The following PLXNA1 variants were observed in gnomAD, a reference collection of about 807,000 sequenced individuals.
PLXNA1 encodes the protein plexin A1.
A neutral mutation model predicts 191.7 loss-of-function variants in PLXNA1; 77 were observed. The ratio of observed to expected loss-of-function variants is 0.40; its 90% CI spans 0.33 to 0.49. The LOEUF (loss-of-function observed/expected upper bound fraction) is 0.49. Ranked by LOEUF, PLXNA1 falls within the 20% of genes least tolerant of loss-of-function variation. The pLI is 0.63. For missense variants in PLXNA1, 2,110 were observed against 2,660.2 expected (o/e 0.79, Z 4.55); for synonymous variants, 1,137 against 1,156.4 (o/e 0.98, Z 0.34).
Position 127,006,074 on chromosome 3 carries a change from T to A in PLXNA1, c.1898-5T>A, listed in dbSNP as rs1231102779. On this transcript the variant is annotated splice_polypyrimidine_tract_variant and splice_region_variant and intron_variant, in intron 7 of 31. Transcript: ENST00000393409. ...CCTGGTGACTCAGCCATGCTGCTCG[T>A]GCAGGAGACCAGCGGGTGGTGAAAC... The A allele has an allele frequency of 1.2e-6, 2 of 1,611,042 alleles. No individual in the cohort carries two copies. Among genetic ancestry groups the A allele is most frequent in the Non-Finnish European group, 1.7e-6 (2 of 1,177,598 alleles).
rs1369838455 is a variant in PLXNA1, at chr3:127,035,369, TG to T, written c.*1354del. On this transcript the variant is annotated 3_prime_UTR_variant, in exon 32 of 32. Coordinates refer to ENST00000393409, the MANE Select transcript of PLXNA1 (RefSeq NM_032242.4). ...GTGGGAAAGCAATGCCAAATGGTTG[TG>T]GAGAAAGTGGCCGGAGCCTCCCTGG... The T allele has an allele frequency of 6.6e-6, 1 of 152,162 alleles. No homozygotes were observed. Among genetic ancestry groups the T allele is most frequent in the Non-Finnish European group, 1.5e-5 (1 of 68,016 alleles). 9.4% of individuals were successfully genotyped at this position (152,162 alleles called of 1,614,324 possible). A position where few individuals can be genotyped will look rare whatever the true frequency, so the allele number is the denominator to read the frequency against.
chr3:127,028,175 C>T lies in PLXNA1; in HGVS notation c.4510-6C>T. On this transcript the variant is annotated splice_region_variant and splice_polypyrimidine_tract_variant and intron_variant, in intron 24 of 31. Transcript: ENST00000393409. ...ACGCTGCCCCCTTGCTCCACCCCGC[C>T]CGCAGACCCTGAACTGTGTGAACCC... is the stretch of plus-strand genomic sequence containing the variant. 2 of 1,613,276 alleles carry T rather than the reference C, an allele frequency of 1.2e-6. No homozygotes were observed. Among genetic ancestry groups the T allele is most frequent in the East Asian group, 4.5e-5 (2 of 44,870 alleles).
intron 1 of PLXNA1, among the ~76,000 whole-genome samples, 151 bp downstream of exon 1, chr3:126,983,438 G>C (rs1339668613): frequency 6.9e-6 from 1 of 145,692 alleles, no homozygotes; most frequent in African/African-American, 2.5e-5. Flanking sequence ...GTGTGCGCGG[G>C]GACTGCGGCG....
chr3:127,027,872 G>A (rs770463061), intron 23 of PLXNA1, 68 bp from the exon 24 acceptor site: 143 of 1,601,074 alleles, frequency 8.9e-5, no homozygotes, highest in Admixed American at 3.2e-4. Context: ...GGCACTCGAC[G>A]GGTGGAGGGG....
At chr3:127,029,731 T>G in intron 27 of PLXNA1, 143 bp from the exon 28 acceptor site, 1 of 1,115,870 alleles carries the variant, frequency 9.0e-7, no homozygotes, top group Non-Finnish European at 1.3e-6. Context: ...CGTACACAAT[T>G]ATGCCACCTC....
chr3:127,032,616 G>A lies in PLXNA1; in HGVS notation c.5444+17G>A. Reference sequence around the variant, plus strand: ...GGTGGAGAGGTAGGTGGAGGGTGCAGGGGTCGGGGGCAGGGGCCCGGGGGC... The same window carrying A: ...GGTGGAGAGGTAGGTGGAGGGTGCAAGGGTCGGGGGCAGGGGCCCGGGGGC... On this transcript the variant is annotated intron_variant, in intron 30 of 31. Transcript: ENST00000393409. 1 of 1,611,628 alleles carries A rather than the reference G, an allele frequency of 6.2e-7. No homozygotes were observed.
chr3:126,992,388 G>A lies in PLXNA1; in HGVS notation c.1377+822G>A, dbSNP rs532335083. Among the ~76,000 whole-genome samples the A allele has an allele frequency of 9.1e-4, 139 of 152,164 alleles. 1 individual carries two copies. Among genetic ancestry groups the A allele is most frequent in the African/African-American group, 3.3e-3 (139 of 41,516 alleles). ...ATAACCGGCACCAGAGGCTGGTGCC[G>A]ATGCAGCTCCCCTGAGCCCATGTGT... is the stretch of plus-strand genomic sequence containing the variant. On this transcript the variant is annotated intron_variant, in intron 3 of 31. Coordinates refer to ENST00000393409, the MANE Select transcript of PLXNA1 (RefSeq NM_032242.4).
At chr3:127,022,032 G>C in intron 21 of PLXNA1, 53 bp from the exon 22 acceptor site, 2 of 1,579,878 alleles carry the variant, frequency 1.3e-6, no homozygotes, top group South Asian at 2.3e-5. Flanking sequence ...TGGTCAGCTT[G>C]GGGGCTGGGG....
At chr3:126,994,677 A>T (rs2079006705) in intron 3 of PLXNA1, among the ~76,000 whole-genome samples, 1 of 152,086 alleles carries the variant, frequency 6.6e-6, no homozygotes, top group South Asian at 2.1e-4. Flanking sequence ...GCCCGGGGGC[A>T]GCAGAACTTC....
chr3:127,003,712 CCTGGG>C (rs2079052376), intron 4 of PLXNA1, among the ~76,000 whole-genome samples: 1 of 152,226 alleles, frequency 6.6e-6, no homozygotes, highest in Non-Finnish European at 1.5e-5. Context: ...TCCATGTTCT[CCTGGG>C]CTGGGTTTGG....
rs2079114732 is a variant in PLXNA1 at position 127,014,822 on chromosome 3, C to T, written c.2868C>T (p.Phe956=). ...PHYRALSPKR[F]TFVTPTFYRV... The stretch of plus-strand genomic sequence containing the variant: ...ACCGCGCCCTGTCACCCAAGCGCTT[C>T]ACCTTCGTGGTGAGTCTGCTGCCCT... The change falls in exon 14 of 32, where the codon TTC becomes TTT. Residue 956 remains phenylalanine (F), a synonymous_variant. Transcript: ENST00000393409. The T allele has an allele frequency of 6.2e-7, 1 of 1,612,172 alleles. No homozygotes were observed. Among genetic ancestry groups the T allele is most frequent in the African/African-American group, 1.3e-5 (1 of 74,934 alleles).
intron 21 of PLXNA1, among the ~76,000 whole-genome samples, chr3:127,021,838 C>T (rs2079153364): frequency 6.6e-6 from 1 of 152,182 alleles, no homozygotes; most frequent in Non-Finnish European, 1.5e-5. Context: ...ACTCTGTGGC[C>T]AAGGCTGCCC....
intron 16 of PLXNA1, 42 bp downstream of exon 16, chr3:127,016,726 G>A (rs1457784598): frequency 6.2e-7 from 1 of 1,603,944 alleles, no homozygotes; most frequent in South Asian, 1.1e-5. Context: ...CAGCTATTGA[G>A]AGCAGCGCTG....
chr3:127,017,371 G>A (rs1271596856), intron 17 of PLXNA1, 54 bp from the exon 18 acceptor site: 2 of 1,576,488 alleles, frequency 1.3e-6, no homozygotes, highest in East Asian at 4.6e-5. Context: ...GTCACTGGGA[G>A]CTGCCGGGCC....
At position 126,989,773 on chromosome 3, in the gene PLXNA1, G is replaced by T; in HGVS notation, c.1180G>T (p.Gly394Cys). Residue 394 changes from glycine (G) to cysteine (C), a missense_variant, in exon 2 of 32, where the codon GGC (glycine) becomes TGC (cysteine). By Grantham distance (159) the Gly-to-Cys change is radical. This residue lies in a region of PLXNA1 where 903 missense variants were observed against 1,015.7 expected (regional missense o/e 0.89). Transcript: ENST00000393409. ...GCCGTGGCTGCTCAACAAGGAGCTGGGCTGCATCAACTCGGTGAGTTGGGC... is the reference window on the plus strand; with the variant it reads ...GCCGTGGCTGCTCAACAAGGAGCTGTGCTGCATCAACTCGGTGAGTTGGGC... ...SLPWLLNKEL[G>C]CINSPLQIDD... The T allele has an allele frequency of 6.2e-7, 1 of 1,606,942 alleles. No homozygotes were observed. The highest frequency in any genetic ancestry group is 1.3e-5 in the African/African-American group (1 of 74,960).
chr3:126,985,664 C>T (rs1021732968), intron 1 of PLXNA1, among the ~76,000 whole-genome samples: 1 of 152,180 alleles, frequency 6.6e-6, no homozygotes, highest in African/African-American at 2.4e-5. Flanking sequence ...CACCCTGGCA[C>T]CTGGGCCCAG....
chr3:127,001,753 C>G (rs1435693776), intron 3 of PLXNA1, among the ~76,000 whole-genome samples: 1 of 152,204 alleles, frequency 6.6e-6, no homozygotes, highest in African/African-American at 2.4e-5. Context: ...GCCTGGCCAC[C>G]CTGGGTCCCC....
intron 15 of PLXNA1, among the ~76,000 whole-genome samples, chr3:127,016,266 T>C (rs1163299883): frequency 6.6e-6 from 1 of 151,830 alleles, no homozygotes; most frequent in Non-Finnish European, 1.5e-5. Flanking sequence ...AAAGCAGACC[T>C]GGAGAGGCGG....
At chr3:127,002,616 C>A (rs1051100273) in intron 3 of PLXNA1, among the ~76,000 whole-genome samples, 1 of 152,220 alleles carries the variant, frequency 6.6e-6, no homozygotes, top group Non-Finnish European at 1.5e-5. Context: ...GAGAGCCTAC[C>A]CTGGACTCAG....
Sources: allele counts gnomAD v4.1 joint callset (sites outside exome capture counted in the v4.1 genomes callset), GRCh38; gene constraint gnomAD v4.1.1; regional missense constraint gnomAD v4.1.1; transcripts MANE v1.5; gene names NCBI Gene and HGNC (gene_info 2026-07-23, HGNC 2026-07-21).